The following TMPRSS15 variants were observed in gnomAD, a reference collection of about 807,000 sequenced individuals.
TMPRSS15 encodes the protein transmembrane serine protease 15, also known as enteropeptidase.
A neutral mutation model predicts 125.3 loss-of-function variants in TMPRSS15; 128 were observed. The observed-to-expected ratio is 1.02, with a 90% CI of 0.89 to 1.18. The LOEUF is 1.18. Among genes scored for constraint, TMPRSS15 ranks in the 50% most tolerant of loss-of-function variants. The pLI is 0.00. For missense variants in TMPRSS15, 1,283 were observed against 1,212.7 expected (o/e 1.06, Z -0.86); for synonymous variants, 446 against 423.2 (o/e 1.05, Z -0.66).
chr21:18,345,727 T>C (rs7278479), intron 10 of TMPRSS15, among the ~76,000 whole-genome samples: 88,440 of 94,382 alleles, frequency 0.94, 41,795 homozygotes, highest in East Asian at 1. Flanking sequence ...GGCGACAGAG[T>C]GAGACTCCGT....
intron 1 of TMPRSS15, among the ~76,000 whole-genome samples, chr21:18,425,455 T>C (rs1340813237): frequency 6.6e-6 from 1 of 152,074 alleles, no homozygotes; most frequent in Non-Finnish European, 1.5e-5. Flanking sequence ...TGAAAAGAAG[T>C]TTCCCATTGT....
intron 6 of TMPRSS15, among the ~76,000 whole-genome samples, chr21:18,369,649 A>G (rs947468167): frequency 3.9e-5 from 6 of 151,922 alleles, no homozygotes; most frequent in Non-Finnish European, 2.9e-5. Flanking sequence ...TAAATAAATC[A>G]ATAAGAGAGA....
upstream of TMPRSS15, among the ~76,000 whole-genome samples, chr21:18,404,962 G>A (rs2076138163): frequency 1.3e-5 from 2 of 151,970 alleles, no homozygotes; most frequent in Non-Finnish European, 2.9e-5. Context: ...ATGGACTTGG[G>A]AGAAGTTTAT....
At chr21:18,397,767 G>T in intron 3 of TMPRSS15, 112 bp downstream of exon 3, 1 of 596,974 alleles carries the variant, frequency 1.7e-6, no homozygotes, top group Non-Finnish European at 2.9e-6. Context: ...CTCAAAAAAT[G>T]TTGAAAAATT....
At chr21:18,404,782 C>A (rs2076135207), upstream of TMPRSS15, among the ~76,000 whole-genome samples, 1 of 151,988 alleles carries the variant, frequency 6.6e-6, no homozygotes, top group Non-Finnish European at 1.5e-5. Flanking sequence ...TTTTCTTCTT[C>A]TTTACCCATG....
intron 16 of TMPRSS15, among the ~76,000 whole-genome samples, chr21:18,318,225 G>A (rs965516605): frequency 1.3e-5 from 2 of 152,066 alleles, no homozygotes; most frequent in African/African-American, 4.8e-5. Context: ...ATGGAACCTG[G>A]GGATTAGGGA....
chr21:18,442,624 T>C (rs2076244867), intron 1 of TMPRSS15, among the ~76,000 whole-genome samples: 1 of 152,198 alleles, frequency 6.6e-6, no homozygotes, highest in African/African-American at 2.4e-5. Context: ...ATCACATTTC[T>C]TATCCCGGTA....
intron 19 of TMPRSS15, among the ~76,000 whole-genome samples, chr21:18,295,737 T>C (rs2074898174): frequency 6.6e-6 from 1 of 152,216 alleles, no homozygotes; most frequent in Non-Finnish European, 1.5e-5. Flanking sequence ...TGCATGTATA[T>C]CAATCTAGAT....
intron 7 of TMPRSS15, among the ~76,000 whole-genome samples, chr21:18,363,544 A>G (rs576979581): frequency 7.4e-6 from 1 of 134,348 alleles, no homozygotes; most frequent in East Asian, 2.7e-4. Flanking sequence ...ATAGTTGTGT[A>G]CCCAATTATG....
chr21:18,432,906 T>C (rs1157734029), intron 1 of TMPRSS15, among the ~76,000 whole-genome samples: 1 of 152,158 alleles, frequency 6.6e-6, no homozygotes, highest in Non-Finnish European at 1.5e-5. Flanking sequence ...TGATTTTTTT[T>C]CTTCTCCGAA....
intron 1 of TMPRSS15, among the ~76,000 whole-genome samples, chr21:18,438,971 C>A (rs761178845): frequency 2.0e-5 from 3 of 152,120 alleles, no homozygotes; most frequent in Admixed American, 2.0e-4. Flanking sequence ...TCTTCGAAAT[C>A]TTTTAATTAA....
chr21:18,294,883 A>G (rs895695740), intron 19 of TMPRSS15, among the ~76,000 whole-genome samples: 13 of 152,314 alleles, frequency 8.5e-5, no homozygotes, highest in Non-Finnish European at 1.6e-4. Context: ...AAGTTACTCA[A>G]TATCCCTGAG....
At chr21:18,458,818 T>C (rs1005104756) in intron 1 of TMPRSS15, among the ~76,000 whole-genome samples, 1 of 152,194 alleles carries the variant, frequency 6.6e-6, no homozygotes, top group Non-Finnish European at 1.5e-5. Context: ...GCTATACAGC[T>C]GCCAAAAATA....
intron 23 of TMPRSS15, among the ~76,000 whole-genome samples, chr21:18,276,181 A>G (rs1207277116): frequency 6.6e-6 from 1 of 152,234 alleles, no homozygotes; most frequent in Non-Finnish European, 1.5e-5. Flanking sequence ...AAGATGAAGG[A>G]AGCAAAAAAA....
chr21:18,432,666 C>A (rs1210214337), intron 1 of TMPRSS15, among the ~76,000 whole-genome samples: 1 of 152,130 alleles, frequency 6.6e-6, no homozygotes, highest in Non-Finnish European at 1.5e-5. Flanking sequence ...TCGGGAGAGT[C>A]AAGGTAGCAT....
chr21:18,291,165 T>C (rs1284104628), intron 21 of TMPRSS15, among the ~76,000 whole-genome samples: 1 of 152,214 alleles, frequency 6.6e-6, no homozygotes, highest in African/African-American at 2.4e-5. Context: ...TAGATATCCT[T>C]ATGAGCTTCC....
intron 1 of TMPRSS15, among the ~76,000 whole-genome samples, chr21:18,422,816 A>C (rs2076194984): frequency 6.6e-6 from 1 of 152,184 alleles, no homozygotes; most frequent in Non-Finnish European, 1.5e-5. Context: ...TTTTCTGTAT[A>C]GCTCTGGGCT....
In TMPRSS15 at chr21:18,398,291, A is replaced by G; in HGVS notation, c.184T>C (p.Phe62Leu). ...LGQSHEARATFKITSGVTYNP... is the reference protein window; with the variant it reads ...LGQSHEARATLKITSGVTYNP... ...TATGTAACTCCGGATGTTATTTTAA[A>G]TGTCGCTCTGGCTTCATGACTCTGT... The change falls in exon 2 of 25, where the codon TTT becomes CTT. Residue 62 changes from phenylalanine to leucine, a missense_variant. Transcript: ENST00000284885. The G allele has an allele frequency of 6.2e-7, 1 of 1,613,890 alleles. No individual in the cohort carries two copies. The highest frequency in any genetic ancestry group is 1.7e-5 in the Admixed American group (1 of 60,012).
chr21:18,300,343 CTTCT>C (rs201956191), intron 18 of TMPRSS15, among the ~76,000 whole-genome samples: 2 of 120,544 alleles, frequency 1.7e-5, no homozygotes, highest in Admixed American at 9.7e-5. Flanking sequence ...GCCTTCCTGC[CTTCT>C]TTCTTTCTCT....
Sources: gnomAD v4.1 joint callset for allele counts (sites outside exome capture counted in the v4.1 genomes callset) on GRCh38, gnomAD v4.1.1 for gene constraint, MANE v1.5 for transcripts, NCBI Gene and HGNC (gene_info 2026-07-23, HGNC 2026-07-21) for gene names.